UVRAG: variants seen among roughly 807,000 people sequenced by gnomAD.
UVRAG encodes the protein UV radiation resistance-associated gene protein.
In UVRAG, 19 loss-of-function variants were observed where a neutral mutation model predicts 78.0. The ratio of observed to expected loss-of-function variants is 0.24; its 90% CI spans 0.17 to 0.36. The LOEUF is 0.36. UVRAG is among the 10% of genes least tolerant of loss of function. The pLI is 1.00. For missense variants in UVRAG, 740 were observed against 853.8 expected (o/e 0.87, Z 1.66); for synonymous variants, 323 against 324.6 (o/e 1.00, Z 0.05).
chr11:76,116,836 T>C (rs1328924055), intron 14 of UVRAG, among the ~76,000 whole-genome samples: 1 of 152,180 alleles, frequency 6.6e-6, no homozygotes, highest in East Asian at 1.9e-4. Flanking sequence ...TGAAATTTGA[T>C]TTGCTCTGCT....
intron 12 of UVRAG, among the ~76,000 whole-genome samples, chr11:76,058,200 G>T (rs1007764782): frequency 1.3e-5 from 2 of 152,024 alleles, no homozygotes; most frequent in Non-Finnish European, 2.9e-5. Context: ...TTGTAGGGGG[G>T]ACTTTGGGAA....
At chr11:76,049,354 C>T (rs1372898318) in intron 12 of UVRAG, among the ~76,000 whole-genome samples, 3 of 152,150 alleles carry the variant, frequency 2.0e-5, no homozygotes, top group Non-Finnish European at 2.9e-5. Flanking sequence ...TGAATGAGAT[C>T]TACAGTTATT....
intron 7 of UVRAG, among the ~76,000 whole-genome samples, chr11:75,975,044 T>C (rs2135250716): frequency 6.6e-6 from 1 of 152,342 alleles, no homozygotes; most frequent in Admixed American, 6.5e-5. Flanking sequence ...CCGTCTTGAA[T>C]TAATTTTTGT....
Position 76,004,880 on chromosome 11 carries a change from G to A in UVRAG, c.911+791G>A, listed in dbSNP as rs949179446. ...CTTGCAACTGTAGTTAATTTTAGTC[G>A]CTCTCCCAACATTCGTTTAACAAAT... On this transcript the variant is annotated intron_variant, in intron 9 of 14. Coordinates refer to ENST00000356136, the MANE Select transcript of UVRAG (RefSeq NM_003369.4). Among the ~76,000 whole-genome samples, 17 of 152,160 alleles carry A rather than the reference G, an allele frequency of 1.1e-4. No homozygotes were observed. The South Asian group carries it at 1.7e-3, about 15-fold the overall frequency.
chr11:75,919,221 A>G (rs900648238), intron 6 of UVRAG, among the ~76,000 whole-genome samples: 5 of 151,600 alleles, frequency 3.3e-5, no homozygotes, highest in African/African-American at 1.2e-4. Context: ...GGCTGCAGGA[A>G]GAGATTTTTT....
intron 13 of UVRAG, among the ~76,000 whole-genome samples, chr11:76,088,147 A>G (rs1362330480): frequency 6.6e-6 from 1 of 152,078 alleles, no homozygotes; most frequent in South Asian, 2.1e-4. Flanking sequence ...AGCGATAGTG[A>G]TGGGATTACA....
intron 13 of UVRAG, among the ~76,000 whole-genome samples, chr11:76,069,124 G>A (rs373249533): frequency 5.3e-5 from 8 of 152,336 alleles, no homozygotes; most frequent in African/African-American, 1.9e-4. Context: ...TAGAGGAAAT[G>A]ACAGAATTTA....
intron 8 of UVRAG, among the ~76,000 whole-genome samples, chr11:75,988,590 G>A (rs1218506171): frequency 6.6e-6 from 1 of 152,160 alleles, no homozygotes; most frequent in Non-Finnish European, 1.5e-5. Flanking sequence ...CCTTGTGTGG[G>A]TATATTCTCT....
chr11:75,822,260 T>C (rs1366923889), intron 1 of UVRAG, among the ~76,000 whole-genome samples: 1 of 152,174 alleles, frequency 6.6e-6, no homozygotes, highest in Non-Finnish European at 1.5e-5. Context: ...TCACTGTTGA[T>C]TCTAACTTTT....
At chr11:76,039,620 A>C (rs1390310603) in intron 12 of UVRAG, among the ~76,000 whole-genome samples, 3 of 152,262 alleles carry the variant, frequency 2.0e-5, no homozygotes, top group Admixed American at 2.0e-4. Context: ...CACACCTGTA[A>C]TCCCAGCACT....
At chr11:75,899,274 C>T (rs1947429741) in intron 5 of UVRAG, among the ~76,000 whole-genome samples, 1 of 152,084 alleles carries the variant, frequency 6.6e-6, no homozygotes, top group South Asian at 2.1e-4. Context: ...TGTGTACTAA[C>T]AGTATTATAC....
At chr11:76,115,401 A>G (rs1361778307) in intron 13 of UVRAG, among the ~76,000 whole-genome samples, 1 of 152,234 alleles carries the variant, frequency 6.6e-6, no homozygotes, top group Non-Finnish European at 1.5e-5. Flanking sequence ...TTTGTTTAAT[A>G]AGCATTGAAT....
In UVRAG at chr11:76,144,226, G is replaced by A. The variant is rs949256281; in HGVS notation, c.*2813G>A. Among the ~76,000 whole-genome samples, 5 of 152,328 alleles carry A rather than the reference G, an allele frequency of 3.3e-5. No individual in the cohort carries two copies. Among genetic ancestry groups the A allele is most frequent in the Middle Eastern group, 3.4e-3 (1 of 294 alleles). The stretch of plus-strand genomic sequence containing the variant: ...TGTATTTATACAATAAAATTGATTA[G>A]TATTTATTTTGAGAGTTAAAAGTGT... On this transcript the variant is annotated 3_prime_UTR_variant, in exon 15 of 15. Transcript: ENST00000356136.
At chr11:75,847,351 T>C (rs1291839423) in intron 1 of UVRAG, among the ~76,000 whole-genome samples, 2 of 151,982 alleles carry the variant, frequency 1.3e-5, no homozygotes, top group Non-Finnish European at 2.9e-5. Flanking sequence ...GGTCTTGAAC[T>C]CTTGACCTCA....
intron 6 of UVRAG, among the ~76,000 whole-genome samples, chr11:75,949,770 T>C (rs1363494280): frequency 2.0e-5 from 3 of 147,614 alleles, no homozygotes; most frequent in African/African-American, 7.8e-5. Flanking sequence ...TATACATATA[T>C]ACACATATAT....
At chr11:76,075,560 A>G (rs1053514286) in intron 13 of UVRAG, among the ~76,000 whole-genome samples, 6 of 151,860 alleles carry the variant, frequency 4.0e-5, no homozygotes, top group African/African-American at 1.5e-4. Flanking sequence ...CGGAGGTTGC[A>G]TGAGCCATGC....
At position 76,007,795 on chromosome 11, in the gene UVRAG, C is replaced by T. The variant is rs114020584; in HGVS notation, c.999+174C>T. On this transcript the variant is annotated intron_variant, in intron 10 of 14. Coordinates refer to ENST00000356136, the MANE Select transcript of UVRAG (RefSeq NM_003369.4). ...GATTTAGACTTGTTTGGCCTTAGGTCCTACTATTTCATTTATATCACTTTG... is the reference window on the plus strand; with the variant it reads ...GATTTAGACTTGTTTGGCCTTAGGTTCTACTATTTCATTTATATCACTTTG... Among the ~76,000 whole-genome samples the T allele has an allele frequency of 8.9e-3, 1,355 of 152,228 alleles. 21 individuals carry two copies. Among genetic ancestry groups the T allele is most frequent in the African/African-American group, 0.031 (1,288 of 41,530 alleles).
At chr11:75,980,786 A>AT (rs1949375658) in intron 7 of UVRAG, among the ~76,000 whole-genome samples, 1 of 151,538 alleles carries the variant, frequency 6.6e-6, no homozygotes, top group Admixed American at 6.6e-5. Context: ...GGTTCAAGCA[A>AT]TTCTCCTGCC....
chr11:75,967,377 T>G (rs1259641695), intron 7 of UVRAG, among the ~76,000 whole-genome samples: 2 of 152,198 alleles, frequency 1.3e-5, no homozygotes, highest in Non-Finnish European at 1.5e-5. Context: ...TGCGGAAATC[T>G]TTTCCTTTTC....
Sources: allele counts gnomAD v4.1 joint callset (sites outside exome capture counted in the v4.1 genomes callset), GRCh38; gene constraint gnomAD v4.1.1; transcripts MANE v1.5; gene names NCBI Gene and HGNC (gene_info 2026-07-23, HGNC 2026-07-21).